Variants in INPP5D observed in about 807,000 individuals in gnomAD.
INPP5D encodes inositol polyphosphate-5-phosphatase D.
INPP5D carries 33 observed loss-of-function variants against 122.9 expected under a neutral mutation model. That is an observed-to-expected ratio of 0.27 (90% CI 0.20 to 0.36). The LOEUF is 0.36. INPP5D is among the 10% of genes least tolerant of loss of function. The pLI is 1.00. For missense variants in INPP5D, 1,053 were observed against 1,412.7 expected, an observed-to-expected ratio of 0.75 and a Z score of 4.08; for synonymous variants, 584 against 576.2, an observed-to-expected ratio of 1.01 and a Z score of -0.19.
At chr2:233,085,906 C>T (rs981674108) in intron 2 of INPP5D, among the ~76,000 whole-genome samples, 3 of 152,182 alleles carry the variant, frequency 2.0e-5, no homozygotes, top group African/African-American at 7.2e-5. Context: ...TGTTCCAGAG[C>T]CTTCTGGTTC....
chr2:233,133,207 A>T (rs568034060), intron 5 of INPP5D, among the ~76,000 whole-genome samples: 4 of 152,332 alleles, frequency 2.6e-5, no homozygotes, highest in African/African-American at 9.6e-5. Flanking sequence ...TGCTGCAATT[A>T]CAGCATGAGC....
intron 1 of INPP5D, among the ~76,000 whole-genome samples, chr2:233,067,911 C>T (rs6747425): frequency 0.2 from 30,390 of 152,074 alleles, 3,622 homozygotes; most frequent in African/African-American, 0.31. Context: ...ATCAAGAGGA[C>T]AAAATGGAAA....
intron 23 of INPP5D, 69 bp downstream of exon 23, chr2:233,194,030 C>T: frequency 6.7e-7 from 1 of 1,482,134 alleles, no homozygotes; most frequent in Non-Finnish European, 9.0e-7. Flanking sequence ...TGCTTTCTCT[C>T]AGCAAAGCTG....
rs1344719083 is a variant in INPP5D at position 233,105,454 on chromosome 2, C to T, written c.199-16653C>T. On this transcript the variant is annotated intron_variant, in intron 2 of 26. Transcript: ENST00000445964. The surrounding 1 kb of genome is among the most constrained non-coding windows in gnomAD (Gnocchi z 4.0). ...CCCTGATCCACCAGGCTGAGTCTCC[C>T]GGAGCACCCTCCCAAGCTACTGTCC... Among the ~76,000 whole-genome samples, 3 of 152,164 alleles carry T rather than the reference C, an allele frequency of 2.0e-5. No individual in the cohort carries two copies. Among genetic ancestry groups the T allele is most frequent in the Non-Finnish European group, 2.9e-5 (2 of 68,032 alleles).
rs13385791 is a variant in INPP5D, at chr2:233,163,528, C to T, written c.1241-179C>T. On this transcript the variant is annotated intron_variant, in intron 11 of 26. Transcript: ENST00000445964. ...AGGCTTAACTGAGCTCTAGCCCTAA[C>T]CGACATCCTGGGTGAGGTTGGCGCC... Among the ~76,000 whole-genome samples the T allele has an allele frequency of 6.7e-3, 1,026 of 152,288 alleles. 13 individuals are homozygous for T. The highest frequency in any genetic ancestry group is 0.023 in the African/African-American group (953 of 41,550).
intron 1 of INPP5D, among the ~76,000 whole-genome samples, chr2:233,076,934 A>T (rs1328824159): frequency 6.6e-6 from 1 of 152,222 alleles, no homozygotes; most frequent in African/African-American, 2.4e-5. Flanking sequence ...CCACAACTTC[A>T]TTGGAAGACA....
At chr2:233,203,036 G>T (rs928804992) in intron 25 of INPP5D, among the ~76,000 whole-genome samples, 3 of 152,194 alleles carry the variant, frequency 2.0e-5, no homozygotes, top group Admixed American at 6.5e-5. Context: ...GGCTGGGAAG[G>T]ACACTGTGTT....
At chr2:233,148,518 T>G in intron 9 of INPP5D, among the ~76,000 whole-genome samples, 1 of 152,004 alleles carries the variant, frequency 6.6e-6, no homozygotes, top group African/African-American at 2.4e-5. Context: ...CGCTGGGAGA[T>G]GGGCACTGGG....
chr2:233,105,791 G>T lies in INPP5D; in HGVS notation c.199-16316G>T, dbSNP rs1692450988. ...CCACAGGAGGACAGGCTGCCAGCAA[G>T]TGGAGGGTGCCAGGGAGAGAGTGGC... On this transcript the variant is annotated intron_variant, in intron 2 of 26. Coordinates refer to ENST00000445964, the MANE Select transcript of INPP5D (RefSeq NM_001017915.3). This position sits in a 1 kb window ranked among gnomAD's most constrained non-coding sequence, Gnocchi z 4.0. Among the ~76,000 whole-genome samples the T allele has an allele frequency of 6.6e-6, 1 of 152,160 alleles. No homozygotes were observed. Among genetic ancestry groups the T allele is most frequent in the African/African-American group, 2.4e-5 (1 of 41,424 alleles).
Position 233,082,008 on chromosome 2 carries a change from T to A in INPP5D, c.198+2610T>A, listed in dbSNP as rs1003320600. On this transcript the variant is annotated intron_variant, in intron 2 of 26. Coordinates refer to ENST00000445964, the MANE Select transcript of INPP5D (RefSeq NM_001017915.3). This position sits in a 1 kb window ranked among gnomAD's most constrained non-coding sequence, Gnocchi z 4.7. ...AGAGTCGTGGGGGCAGCGTGCCTCCTTAAGGTCTCCGCTTAGCCAGGACAG... is the reference window on the plus strand; with the variant it reads ...AGAGTCGTGGGGGCAGCGTGCCTCCATAAGGTCTCCGCTTAGCCAGGACAG... Among the ~76,000 whole-genome samples, 1 of 152,092 alleles carries A rather than the reference T, an allele frequency of 6.6e-6. No individual in the cohort carries two copies. Among genetic ancestry groups the A allele is most frequent in the African/African-American group, 2.4e-5 (1 of 41,394 alleles).
At position 233,060,435 on chromosome 2, in the gene INPP5D, C is replaced by T; in HGVS notation, c.-44C>T. On this transcript the variant is annotated 5_prime_UTR_variant, in exon 1 of 27. Transcript: ENST00000445964. Reference sequence around the variant, plus strand: ...CCGCTCCCCTCGGTGGTGTGTGGGTCCTGGGGGTGCCTGCCGGCCCGGCCG... The same window carrying T: ...CCGCTCCCCTCGGTGGTGTGTGGGTTCTGGGGGTGCCTGCCGGCCCGGCCG... 1 of 1,552,760 alleles carries T rather than the reference C, an allele frequency of 6.4e-7. No individual in the cohort carries two copies. The highest frequency in any genetic ancestry group is 8.7e-7 in the Non-Finnish European group (1 of 1,146,624).
In INPP5D at chr2:233,204,576, G is replaced by A. The variant is rs1695433628; in HGVS notation, c.3426G>A (p.Pro1142=). The change falls in exon 26 of 27, where the codon CCG becomes CCA. Residue 1142 remains proline (P), a synonymous_variant. Transcript: ENST00000445964. The part of the protein sequence containing the change: ...QTPPTPTPRP[P]LPVKSPAVLH... Reference sequence around the variant, plus strand: ...CGCCCACCCCGACGCCGCGGCCGCCGCTGCCAGTCAAGAGCCCGGCGGTGC... The same window carrying A: ...CGCCCACCCCGACGCCGCGGCCGCCACTGCCAGTCAAGAGCCCGGCGGTGC... 2 of 1,566,888 alleles carry A rather than the reference G, an allele frequency of 1.3e-6. No individual in the cohort carries two copies. The highest frequency in any genetic ancestry group is 1.7e-6 in the Non-Finnish European group (2 of 1,157,270).
intron 2 of INPP5D, chr2:233,120,496 A>G (rs562030906): frequency 6.6e-6 from 1 of 152,344 alleles, no homozygotes; most frequent in African/African-American, 2.4e-5. Context: ...ATAAAATAAA[A>G]TAAACAATCT....
intron 1 of INPP5D, among the ~76,000 whole-genome samples, chr2:233,073,134 G>A (rs910519983): frequency 6.6e-5 from 10 of 152,168 alleles, no homozygotes; most frequent in African/African-American, 1.2e-4. Context: ...AGCAGCCCCC[G>A]GAGATTTGCT....
At chr2:233,069,061 A>G (rs1691307278) in intron 1 of INPP5D, among the ~76,000 whole-genome samples, 1 of 152,196 alleles carries the variant, frequency 6.6e-6, no homozygotes, top group South Asian at 2.1e-4. Flanking sequence ...ATGTTCCATG[A>G]CGGGGGTACT....
rs12475493 is a variant in INPP5D, at chr2:233,104,106, G to T, written c.199-18001G>T. On this transcript the variant is annotated intron_variant, in intron 2 of 26. Transcript: ENST00000445964. The stretch of plus-strand genomic sequence containing the variant: ...GCTCACTGCAACCTCTGCCTCCCAG[G>T]TTCAAGTGATTCTCCTGCCTCAGCC... Among the ~76,000 whole-genome samples, 2,341 of 148,206 alleles carry T rather than the reference G, an allele frequency of 0.016. 134 individuals carry two copies. The East Asian group carries it at 0.18, about 11-fold the overall frequency.
At chr2:233,181,397 A>T (rs1694779820) in intron 18 of INPP5D, among the ~76,000 whole-genome samples, 1 of 151,872 alleles carries the variant, frequency 6.6e-6, no homozygotes, top group South Asian at 2.1e-4. Flanking sequence ...CCGCCCATTC[A>T]TGGTTGGTGT....
intron 1 of INPP5D, among the ~76,000 whole-genome samples, chr2:233,073,640 C>CAAAAAAAAAAAAA (rs752382722): frequency 2.3e-5 from 1 of 44,202 alleles, no homozygotes; most frequent in African/African-American, 7.4e-5. Context: ...AACTCAATCT[C>CAAAAAAAAAAAAA]AAAAAAAAAA....
chr2:233,143,964 G>A (rs1474069270), intron 6 of INPP5D, among the ~76,000 whole-genome samples: 1 of 151,800 alleles, frequency 6.6e-6, no homozygotes, highest in African/African-American at 2.4e-5. Context: ...TGATGGTGAG[G>A]GTGGAGATGG....
Sources: gnomAD v4.1 joint callset for allele counts (sites outside exome capture counted in the v4.1 genomes callset) on GRCh38, gnomAD v4.1.1 for gene constraint, Gnocchi (gnomAD v3.1) non-coding constraint, MANE v1.5 for transcripts, NCBI Gene and HGNC (gene_info 2026-07-23, HGNC 2026-07-21) for gene names.